The following RARB variants were observed in gnomAD, a reference collection of about 807,000 sequenced individuals.
The protein encoded by RARB is HBV-activated protein.
A neutral mutation model predicts 51.9 loss-of-function variants in RARB; 17 were observed. The observed-to-expected ratio is 0.33, with a 90% CI of 0.22 to 0.49. RARB has a LOEUF of 0.49. Among genes scored for constraint, RARB ranks in the 20% least tolerant of loss-of-function variants. The pLI, the probability that RARB is intolerant of heterozygous loss-of-function variation, is 0.99. For missense variants in RARB, 369 were observed against 550.8 expected, an observed-to-expected ratio of 0.67 and a Z score of 3.30; for synonymous variants, 215 against 195.4, an observed-to-expected ratio of 1.10 and a Z score of -0.84.
intron 2 of RARB, among the ~76,000 whole-genome samples, chr3:25,010,675 A>C (rs942175223): frequency 6.6e-6 from 1 of 152,010 alleles, no homozygotes; most frequent in African/African-American, 2.4e-5. Context: ...ATTTAATTCT[A>C]TTCTGTTCTT....
intron 2 of RARB, among the ~76,000 whole-genome samples, chr3:24,969,794 T>C (rs550114171): frequency 1.3e-5 from 2 of 152,232 alleles, no homozygotes; most frequent in East Asian, 1.9e-4. Flanking sequence ...AGAAGATGTT[T>C]CCTCAGAGAG....
chr3:24,986,835 A>G (rs1435073118), intron 2 of RARB, among the ~76,000 whole-genome samples: 1 of 151,890 alleles, frequency 6.6e-6, no homozygotes, highest in Non-Finnish European at 1.5e-5. Flanking sequence ...GTGAACTCCT[A>G]CCCCTTTGCC....
At chr3:25,449,039 G>A (rs1301663895) in intron 1 of RARB, among the ~76,000 whole-genome samples, 1 of 152,106 alleles carries the variant, frequency 6.6e-6, no homozygotes, top group African/African-American at 2.4e-5. Flanking sequence ...TTGGTTAAGG[G>A]AGTATATGTG....
At chr3:24,875,125 T>C (rs896806955) in intron 2 of RARB, among the ~76,000 whole-genome samples, 5 of 152,176 alleles carry the variant, frequency 3.3e-5, no homozygotes, top group African/African-American at 1.2e-4. Flanking sequence ...ATTTGAATTT[T>C]TAAAAAAAGA....
At chr3:25,174,391 C>A in exon 5 of RARB, 1 of 1,352,020 alleles carries the variant, frequency 7.4e-7, no homozygotes, top group Non-Finnish European at 9.8e-7. Context: ...TCTGTGAGGC[C>A]CGAAACATGA....
At chr3:25,595,080 T>C (rs983249393) in intron 7 of RARB, among the ~76,000 whole-genome samples, 1 of 152,214 alleles carries the variant, frequency 6.6e-6, no homozygotes, top group African/African-American at 2.4e-5. Flanking sequence ...ACTTTAGCCA[T>C]TGCTCTTTTG....
At chr3:25,128,897 G>A (rs563232429) in intron 3 of RARB, among the ~76,000 whole-genome samples, 10 of 152,194 alleles carry the variant, frequency 6.6e-5, no homozygotes, top group East Asian at 3.9e-4. Flanking sequence ...AGAATCTGTC[G>A]AAGAGAGGAT....
chr3:24,956,750 T>G (rs542956692), intron 2 of RARB, among the ~76,000 whole-genome samples: 32 of 152,212 alleles, frequency 2.1e-4, no homozygotes, highest in Non-Finnish European at 4.3e-4. Context: ...CTGATCATGG[T>G]CATAGGTCAT....
intron 2 of RARB, among the ~76,000 whole-genome samples, chr3:24,927,780 G>A (rs538107192): frequency 2.6e-4 from 39 of 152,088 alleles, no homozygotes; most frequent in African/African-American, 8.9e-4. Flanking sequence ...GACTGAAGCC[G>A]ATTTTGGCAT....
chr3:25,338,514 G>A (rs1393688658), intron 5 of RARB, among the ~76,000 whole-genome samples: 1 of 152,088 alleles, frequency 6.6e-6, no homozygotes, highest in African/African-American at 2.4e-5. Flanking sequence ...TGGTTTGGCT[G>A]GAATCATTTA....
chr3:25,274,017 C>T (rs970307088), intron 5 of RARB, among the ~76,000 whole-genome samples: 1 of 152,138 alleles, frequency 6.6e-6, no homozygotes, highest in Non-Finnish European at 1.5e-5. Context: ...ATGGTTCTCA[C>T]TCTCAACTTT....
chr3:25,036,550 G>A (rs952558433), intron 2 of RARB, among the ~76,000 whole-genome samples: 1 of 152,094 alleles, frequency 6.6e-6, no homozygotes, highest in African/African-American at 2.4e-5. Context: ...ATGTGATGCA[G>A]AATGAGATAA....
intron 3 of RARB, among the ~76,000 whole-genome samples, chr3:25,532,695 A>G (rs1153606): frequency 0.28 from 41,887 of 152,072 alleles, 7,118 homozygotes; most frequent in African/African-American, 0.48. Flanking sequence ...TTAACTCTCA[A>G]ATTATTATGA....
At chr3:25,163,271 A>G (rs983080054) in intron 4 of RARB, among the ~76,000 whole-genome samples, 7 of 152,144 alleles carry the variant, frequency 4.6e-5, no homozygotes, top group African/African-American at 1.2e-4. Flanking sequence ...CAGGAGGCTG[A>G]GGTGAGCAGA....
intron 5 of RARB, among the ~76,000 whole-genome samples, chr3:25,191,963 A>G (rs1183268308): frequency 6.6e-6 from 1 of 152,120 alleles, no homozygotes; most frequent in Admixed American, 6.6e-5. Flanking sequence ...TCTTAGGGGA[A>G]GACAGTGAGT....
At chr3:24,935,501 G>A (rs1695530565) in intron 2 of RARB, among the ~76,000 whole-genome samples, 1 of 152,216 alleles carries the variant, frequency 6.6e-6, no homozygotes, top group East Asian at 1.9e-4. Flanking sequence ...ACAGTAGTCT[G>A]TTATGATTTC....
intron 1 of RARB, among the ~76,000 whole-genome samples, chr3:24,858,063 AC>A (rs1416299809): frequency 6.6e-6 from 1 of 152,234 alleles, no homozygotes; most frequent in Non-Finnish European, 1.5e-5. Context: ...TGAATAAAAG[AC>A]AATTTAGAAC....
intron 3 of RARB, among the ~76,000 whole-genome samples, chr3:25,515,870 AG>A (rs1282180018): frequency 6.6e-6 from 1 of 152,212 alleles, no homozygotes; most frequent in African/African-American, 2.4e-5. Context: ...CTCGGTGAAA[AG>A]GAAAAAGATT....
intron 5 of RARB, among the ~76,000 whole-genome samples, chr3:25,402,796 C>G (rs1320651932): frequency 6.6e-6 from 1 of 151,970 alleles, no homozygotes; most frequent in Non-Finnish European, 1.5e-5. Flanking sequence ...AAGATGGTCA[C>G]CAGGGGCTAA....
Sources: gnomAD v4.1 joint callset for allele counts (sites outside exome capture counted in the v4.1 genomes callset) on GRCh38, gnomAD v4.1.1 for gene constraint, MANE v1.5 for transcripts, NCBI Gene and HGNC (gene_info 2026-07-23, HGNC 2026-07-21) for gene names.